GALNT13: variants seen among roughly 807,000 people sequenced by gnomAD.
GALNT13 encodes polypeptide N-acetylgalactosaminyltransferase 13.
A neutral mutation model predicts 64.2 loss-of-function variants in GALNT13; 28 were observed. The ratio of observed to expected loss-of-function variants is 0.44; its 90% CI spans 0.32 to 0.60. GALNT13 has a LOEUF of 0.60. GALNT13 is among the 20% of genes least tolerant of loss of function. The pLI is 0.05. For missense variants in GALNT13, 577 were observed against 669.8 expected (o/e 0.86, Z 1.53); for synonymous variants, 214 against 224.6 (o/e 0.95, Z 0.42).
chr2:154,072,538 A>G (rs1381616629), intron 3 of GALNT13, among the ~76,000 whole-genome samples: 1 of 151,986 alleles, frequency 6.6e-6, no homozygotes, highest in East Asian at 1.9e-4. Context: ...TCTAGCTCAT[A>G]ACTATTACTG....
intron 1 of GALNT13, among the ~76,000 whole-genome samples, chr2:153,896,796 G>C (rs1324967129): frequency 6.6e-6 from 1 of 151,958 alleles, no homozygotes; most frequent in Admixed American, 6.6e-5. Context: ...ATACTTTCTC[G>C]ATATATGTTT....
intron 9 of GALNT13, among the ~76,000 whole-genome samples, chr2:154,362,739 C>G (rs570973672): frequency 2.5e-4 from 38 of 152,260 alleles, no homozygotes; most frequent in African/African-American, 8.2e-4. Flanking sequence ...CTATACTAAG[C>G]AATGCATGAA....
chr2:154,300,508 A>C (rs1693380435), intron 8 of GALNT13, among the ~76,000 whole-genome samples: 1 of 152,134 alleles, frequency 6.6e-6, no homozygotes. Flanking sequence ...ATGTTTTCCA[A>C]ATTTTGTAAA....
the GALNT13 span, among the ~76,000 whole-genome samples, chr2:153,706,692 T>G: frequency 3.3e-5 from 5 of 152,298 alleles, no homozygotes; most frequent in African/African-American, 9.6e-5. Context: ...CTTTGTTGTC[T>G]TCCCTATTAT....
chr2:154,302,424 T>C (rs1221729376), intron 9 of GALNT13, among the ~76,000 whole-genome samples: 3 of 152,196 alleles, frequency 2.0e-5, no homozygotes, highest in African/African-American at 4.8e-5. Context: ...ACAACAAAAA[T>C]CCAGGCCTAC....
At chr2:153,514,130 T>G in the GALNT13 span, among the ~76,000 whole-genome samples, 1 of 152,336 alleles carries the variant, frequency 6.6e-6, no homozygotes, top group African/African-American at 2.4e-5. Context: ...TTAACACTTT[T>G]ATTTTCATCC....
At chr2:154,254,800 A>T (rs1690280727) in intron 7 of GALNT13, among the ~76,000 whole-genome samples, 1 of 152,106 alleles carries the variant, frequency 6.6e-6, no homozygotes, top group Admixed American at 6.5e-5. Context: ...TATGCAGAGG[A>T]AACAAGTATG....
At chr2:153,761,183 T>G in the GALNT13 span, among the ~76,000 whole-genome samples, 157 of 152,294 alleles carry the variant, frequency 1.0e-3, no homozygotes, top group Middle Eastern at 3.4e-3. Context: ...AGTCAGTAAC[T>G]CTATGTCTTT....
chr2:153,848,498 T>G, the GALNT13 span, among the ~76,000 whole-genome samples: 8,153 of 82,244 alleles, frequency 0.099, 264 homozygotes, highest in Middle Eastern at 0.23. Flanking sequence ...GAGTAGAAAT[T>G]AATGACTCAG....
chr2:154,047,513 T>C (rs914364279), intron 3 of GALNT13, among the ~76,000 whole-genome samples: 5 of 152,162 alleles, frequency 3.3e-5, no homozygotes, highest in Non-Finnish European at 7.3e-5. Context: ...AGTGAGATAA[T>C]CAATTAAATT....
At chr2:154,107,728 A>AT in intron 3 of GALNT13, among the ~76,000 whole-genome samples, 1 of 151,904 alleles carries the variant, frequency 6.6e-6, no homozygotes, top group South Asian at 2.1e-4. Flanking sequence ...TTCATCTGAG[A>AT]TTTTCTACCC....
chr2:153,276,245 G>A, the GALNT13 span, among the ~76,000 whole-genome samples: 1 of 151,946 alleles, frequency 6.6e-6, no homozygotes, highest in East Asian at 1.9e-4. Context: ...TTTATACTTT[G>A]TTTTGTATTA....
At chr2:153,624,148 T>A in the GALNT13 span, among the ~76,000 whole-genome samples, 1 of 152,086 alleles carries the variant, frequency 6.6e-6, no homozygotes, top group African/African-American at 2.4e-5. Context: ...GAATACATGA[T>A]CCTTAAGGAT....
the GALNT13 span, among the ~76,000 whole-genome samples, chr2:153,628,635 T>C: frequency 3.3e-5 from 5 of 152,226 alleles, no homozygotes; most frequent in South Asian, 1.0e-3. Flanking sequence ...TCTGTTCATA[T>C]GCTGGATTAC....
the GALNT13 span, among the ~76,000 whole-genome samples, chr2:153,428,567 C>G: frequency 2.6e-5 from 4 of 152,124 alleles, no homozygotes; most frequent in Non-Finnish European, 5.9e-5. Flanking sequence ...ATATCATATG[C>G]TCTTTTAAAA....
intron 8 of GALNT13, among the ~76,000 whole-genome samples, chr2:154,276,875 C>T (rs1043040263): frequency 2.0e-5 from 3 of 152,190 alleles, no homozygotes; most frequent in African/African-American, 7.2e-5. Context: ...GTGCTTCTTG[C>T]TGCTACCATG....
At chr2:154,072,118 G>C (rs1308672057) in intron 3 of GALNT13, among the ~76,000 whole-genome samples, 1 of 152,060 alleles carries the variant, frequency 6.6e-6, no homozygotes, top group Non-Finnish European at 1.5e-5. Context: ...ATAAAACTAT[G>C]GAAAACATGG....
chr2:153,844,793 C>T, the GALNT13 span, among the ~76,000 whole-genome samples: 2 of 152,212 alleles, frequency 1.3e-5, no homozygotes, highest in Non-Finnish European at 2.9e-5. Context: ...ATCCTGAATG[C>T]TTTGCTGCTT....
chr2:153,284,907 CACTT>C, the GALNT13 span, among the ~76,000 whole-genome samples: 1 of 151,658 alleles, frequency 6.6e-6, no homozygotes, highest in Non-Finnish European at 1.5e-5. Flanking sequence ...AATAAACACA[CACTT>C]TTTGTGTTCT....
Sources: gnomAD v4.1 joint callset for allele counts (sites outside exome capture counted in the v4.1 genomes callset) on GRCh38, gnomAD v4.1.1 for gene constraint, MANE v1.5 for transcripts, NCBI Gene and HGNC (gene_info 2026-07-23, HGNC 2026-07-21) for gene names.